The following ANO4 variants were observed in gnomAD, a reference collection of about 807,000 sequenced individuals.
ANO4 encodes the protein anoctamin 4.
A neutral mutation model predicts 141.9 loss-of-function variants in ANO4; 69 were observed. The ratio of observed to expected loss-of-function variants is 0.49; its 90% CI spans 0.40 to 0.59. The LOEUF is 0.59. Among genes scored for constraint, ANO4 ranks in the 20% least tolerant of loss-of-function variants. ANO4 has a pLI of 0.00. For missense variants in ANO4, 894 were observed against 1,162.2 expected (o/e 0.77, Z 3.36); for synonymous variants, 350 against 394.3 (o/e 0.89, Z 1.33).
At chr12:101,119,838 T>C (rs914264478) in intron 25 of ANO4, among the ~76,000 whole-genome samples, 1 of 152,218 alleles carries the variant, frequency 6.6e-6, no homozygotes, top group African/African-American at 2.4e-5. Context: ...AGTATTACTT[T>C]AATGGAGTCA....
chr12:100,756,923 G>GT (rs1323747041), intron 3 of ANO4, among the ~76,000 whole-genome samples: 1 of 152,054 alleles, frequency 6.6e-6, no homozygotes, highest in Admixed American at 6.6e-5. Context: ...TTTTATCTCA[G>GT]ACCTCCAACC....
intron 1 of ANO4, among the ~76,000 whole-genome samples, chr12:100,873,806 A>G (rs2039152440): frequency 6.6e-6 from 1 of 152,262 alleles, no homozygotes; most frequent in Non-Finnish European, 1.5e-5. Flanking sequence ...GCTGAATGTT[A>G]ATAGCCAAGA....
At chr12:100,982,774 ATAC>A (rs1391426185) in intron 7 of ANO4, among the ~76,000 whole-genome samples, 1 of 152,236 alleles carries the variant, frequency 6.6e-6, no homozygotes, top group Non-Finnish European at 1.5e-5. Context: ...CCATCATTGT[ATAC>A]TAAAGGTTAT....
At chr12:101,017,837 A>G (rs1046258190) in intron 8 of ANO4, among the ~76,000 whole-genome samples, 1 of 152,222 alleles carries the variant, frequency 6.6e-6, no homozygotes, top group Admixed American at 6.5e-5. Flanking sequence ...TGTTTAGAAT[A>G]GTGTCTGGCA....
chr12:100,940,026 C>T (rs569587240), intron 4 of ANO4, among the ~76,000 whole-genome samples: 1 of 151,040 alleles, frequency 6.6e-6, no homozygotes, highest in African/African-American at 2.4e-5. Flanking sequence ...GTAATAGGCA[C>T]ACCGAATCAG....
At chr12:100,995,608 C>T (rs577070054) in intron 8 of ANO4, among the ~76,000 whole-genome samples, 1 of 152,162 alleles carries the variant, frequency 6.6e-6, no homozygotes, top group Non-Finnish European at 1.5e-5. Context: ...AGCATTGACC[C>T]ATTTCTTTGC....
At chr12:101,049,853 A>G (rs1432786971) in intron 14 of ANO4, among the ~76,000 whole-genome samples, 1 of 152,144 alleles carries the variant, frequency 6.6e-6, no homozygotes, top group Non-Finnish European at 1.5e-5. Context: ...CATTTGAACC[A>G]AGATCAGTCA....
chr12:101,104,617 A>ATG, intron 22 of ANO4, among the ~76,000 whole-genome samples: 1 of 53,230 alleles, frequency 1.9e-5, no homozygotes, highest in African/African-American at 7.3e-5. Context: ...GTGTGTGTGT[A>ATG]TGTATGTGTG....
chr12:100,955,662 T>A (rs2136219246), intron 5 of ANO4, among the ~76,000 whole-genome samples: 1 of 152,248 alleles, frequency 6.6e-6, no homozygotes, highest in East Asian at 1.9e-4. Context: ...TTTGAGGAGC[T>A]CACTAACTAG....
At chr12:100,994,242 G>A (rs528814192) in intron 8 of ANO4, among the ~76,000 whole-genome samples, 1 of 152,246 alleles carries the variant, frequency 6.6e-6, no homozygotes, top group Admixed American at 6.5e-5. Context: ...CATTCTCTGT[G>A]ATAAATTAAA....
At chr12:101,096,041 C>G (rs539753285) in intron 18 of ANO4, among the ~76,000 whole-genome samples, 1 of 152,286 alleles carries the variant, frequency 6.6e-6, no homozygotes, top group African/African-American at 2.4e-5. Flanking sequence ...AGGGTAAAAG[C>G]AAATGAGTCA....
chr12:101,062,500 A>G (rs1593163766), intron 14 of ANO4, among the ~76,000 whole-genome samples: 1 of 152,278 alleles, frequency 6.6e-6, no homozygotes, highest in Non-Finnish European at 1.5e-5. Context: ...TGCTTCCCCC[A>G]GGTGCTCTGT....
At chr12:101,054,646 C>G (rs2048028326) in intron 14 of ANO4, among the ~76,000 whole-genome samples, 1 of 152,286 alleles carries the variant, frequency 6.6e-6, no homozygotes, top group African/African-American at 2.4e-5. Flanking sequence ...ATTACAGGCG[C>G]CCGCCACCAC....
chr12:100,924,212 C>T (rs1000448048), intron 3 of ANO4, among the ~76,000 whole-genome samples: 9 of 152,000 alleles, frequency 5.9e-5, no homozygotes, highest in African/African-American at 2.2e-4. Flanking sequence ...AAGTCCTTGC[C>T]CATGCCTAGG....
At chr12:100,801,017 T>C (rs1271477135) in intron 1 of ANO4, among the ~76,000 whole-genome samples, 4 of 152,202 alleles carry the variant, frequency 2.6e-5, no homozygotes, top group African/African-American at 7.2e-5. Flanking sequence ...TTGACTTCTT[T>C]TGCCCAGAGC....
At chr12:100,831,280 C>T (rs539347328) in intron 1 of ANO4, among the ~76,000 whole-genome samples, 5 of 152,156 alleles carry the variant, frequency 3.3e-5, no homozygotes, top group East Asian at 3.9e-4. Flanking sequence ...TTGACACTTG[C>T]GTATTGTGCA....
intron 17 of ANO4, among the ~76,000 whole-genome samples, chr12:101,093,024 A>G (rs11110651): frequency 0.23 from 35,134 of 152,026 alleles, 4,151 homozygotes; most frequent in Admixed American, 0.28. Flanking sequence ...TCTGTTGTTT[A>G]CTAGGATTTT....
In ANO4 at chr12:100,972,269, T is replaced by C. The variant is rs562037284; in HGVS notation, c.557+863T>C. ...GGTACCAACTCTACAGTCTGTCTCT[T>C]AATGAGCTGTGGAAAGTTGTGGAGA... On this transcript the variant is annotated intron_variant, in intron 6 of 27. Coordinates refer to ENST00000392977, the MANE Select transcript of ANO4 (RefSeq NM_001286615.2). 8.5e-5 allele frequency among the ~76,000 whole-genome samples: 13 copies of C among 152,346 alleles called. No individual in the cohort carries two copies. In the East Asian group the frequency reaches 2.5e-3, roughly 29 times the overall value.
Position 101,020,118 on chromosome 12 carries a change from T to G in ANO4, c.819T>G (p.Tyr273Ter), listed in dbSNP as rs1250529425. The G allele has an allele frequency of 3.7e-6, 6 of 1,610,766 alleles. No individual in the cohort carries two copies. The highest frequency in any genetic ancestry group is 5.1e-6 in the Non-Finnish European group (6 of 1,177,662). ...IVHHILQRIK[Y>*]EEGKNKIGLN... ...ATCACATTTTACAAAGAATAAAATA[T>G]GAAGAAGGAAAAAACAAGATTGGTA... The change falls in exon 9 of 28, where the codon TAT becomes TAG. Residue 273 changes from tyrosine to a stop codon, truncating the protein, a stop_gained. Transcript: ENST00000392977. LOFTEE classifies it high-confidence loss of function.
Sources: gnomAD v4.1 joint callset for allele counts (sites outside exome capture counted in the v4.1 genomes callset) on GRCh38, gnomAD v4.1.1 for gene constraint, MANE v1.5 for transcripts, NCBI Gene and HGNC (gene_info 2026-07-23, HGNC 2026-07-21) for gene names.